SLIT3: variants seen among roughly 807,000 people sequenced by gnomAD.
SLIT3 encodes the protein slit homolog 3 protein.
A neutral mutation model predicts 184.0 loss-of-function variants in SLIT3; 68 were observed. The ratio of observed to expected loss-of-function variants is 0.37; its 90% CI spans 0.30 to 0.45. The LOEUF is 0.45. Ranked by LOEUF, SLIT3 falls within the 20% of genes least tolerant of loss-of-function variation. The probability of loss-of-function intolerance (pLI) is 1.00; values close to 1 mark genes in which losing one functional copy is unlikely to be tolerated. For synonymous variants in SLIT3, 831 were observed against 828.6 expected, an observed-to-expected ratio of 1.00 and a Z score of -0.05; for missense variants, 1,707 against 2,026.0, an observed-to-expected ratio of 0.84 and a Z score of 3.02.
intron 3 of SLIT3, among the ~76,000 whole-genome samples, chr5:169,238,482 A>G (rs975920946): frequency 6.7e-6 from 1 of 149,268 alleles, no homozygotes; most frequent in Non-Finnish European, 1.5e-5. Flanking sequence ...AATCCTTTTA[A>G]CTGCTTATTT....
intron 4 of SLIT3, among the ~76,000 whole-genome samples, chr5:168,894,032 C>T (rs189060997): frequency 1.1e-4 from 16 of 152,336 alleles, no homozygotes; most frequent in African/African-American, 3.8e-4. Flanking sequence ...GATTCAACCT[C>T]TTTTCTACAT....
intron 4 of SLIT3, among the ~76,000 whole-genome samples, chr5:169,119,080 C>A (rs1760788397): frequency 6.6e-6 from 1 of 152,174 alleles, no homozygotes; most frequent in Non-Finnish European, 1.5e-5. Context: ...TGTCTGGATC[C>A]AAAATCTGTC....
chr5:169,227,311 A>C (rs1441970976), intron 3 of SLIT3, among the ~76,000 whole-genome samples: 1 of 152,230 alleles, frequency 6.6e-6, no homozygotes, highest in Non-Finnish European at 1.5e-5. Flanking sequence ...GTTAATGCAT[A>C]TTATGGGGAC....
At chr5:169,054,993 T>C (rs1228419731) in intron 4 of SLIT3, among the ~76,000 whole-genome samples, 5 of 152,238 alleles carry the variant, frequency 3.3e-5, no homozygotes, top group Non-Finnish European at 7.3e-5. Context: ...TCTGTGGCCC[T>C]CATGCCTAGC....
intron 4 of SLIT3, among the ~76,000 whole-genome samples, chr5:168,990,659 G>A (rs1047002082): frequency 1.4e-4 from 21 of 152,108 alleles, no homozygotes; most frequent in African/African-American, 4.6e-4. Flanking sequence ...CATCAGCCAG[G>A]GGTCTTCAAA....
chr5:168,945,719 C>G (rs934897839), intron 4 of SLIT3, among the ~76,000 whole-genome samples: 1 of 152,220 alleles, frequency 6.6e-6, no homozygotes, highest in Non-Finnish European at 1.5e-5. Context: ...TGCTTTAGGG[C>G]TAAACTCGGG....
chr5:169,214,973 A>C (rs1429524939), intron 3 of SLIT3, among the ~76,000 whole-genome samples: 1 of 152,084 alleles, frequency 6.6e-6, no homozygotes, highest in African/African-American at 2.4e-5. Context: ...CGCATTACTG[A>C]AAGGGGCACC....
chr5:169,284,154 AG>A (rs1372801198), intron 1 of SLIT3, among the ~76,000 whole-genome samples: 1 of 152,270 alleles, frequency 6.6e-6, no homozygotes, highest in African/African-American at 2.4e-5. Context: ...AGCAAGGGAC[AG>A]GATCTATCCG....
intron 3 of SLIT3, among the ~76,000 whole-genome samples, chr5:169,220,170 T>C (rs1386922180): frequency 6.6e-6 from 1 of 152,114 alleles, no homozygotes; most frequent in Non-Finnish European, 1.5e-5. Flanking sequence ...CTGTCCTTGG[T>C]ACCCCACATT....
chr5:169,219,097 C>T (rs562900714), intron 3 of SLIT3, among the ~76,000 whole-genome samples: 33 of 152,196 alleles, frequency 2.2e-4, no homozygotes, highest in Non-Finnish European at 3.5e-4. Flanking sequence ...AGCAAACACA[C>T]CAGCGCTGCC....
At chr5:169,024,647 G>T (rs1000120596) in intron 4 of SLIT3, 8 of 152,282 alleles carry the variant, frequency 5.3e-5, no homozygotes, top group African/African-American at 1.9e-4. Flanking sequence ...AGTGTTTGTC[G>T]GTGGGAACGG....
chr5:168,673,827 C>A (rs1035487626), intron 32 of SLIT3, among the ~76,000 whole-genome samples: 2 of 152,196 alleles, frequency 1.3e-5, no homozygotes, highest in Non-Finnish European at 2.9e-5. Context: ...TCAGGTATTG[C>A]ATTTGGCTAT....
chr5:168,987,985 G>T (rs1360395245), intron 4 of SLIT3, among the ~76,000 whole-genome samples: 1 of 152,176 alleles, frequency 6.6e-6, no homozygotes, highest in Non-Finnish European at 1.5e-5. Flanking sequence ...ACATTAAGGT[G>T]TTCTCTTCTA....
At position 169,258,983 on chromosome 5, in the gene SLIT3, C is replaced by T. The variant is rs188074223; in HGVS notation, c.198-7524G>A. 3.9e-5 allele frequency among the ~76,000 whole-genome samples: 6 copies of T among 152,364 alleles called. No homozygotes were observed. The East Asian group carries it at 7.7e-4, about 20-fold the overall frequency. Reference sequence around the variant, plus strand: ...ATGTGGCTTTGAGAAAGGCACTTAACTTTATGGAACTCCCATTGTTGTTGC... The same window carrying T: ...ATGTGGCTTTGAGAAAGGCACTTAATTTTATGGAACTCCCATTGTTGTTGC... On this transcript the variant is annotated intron_variant, in intron 1 of 35. Coordinates refer to ENST00000519560, the MANE Select transcript of SLIT3 (RefSeq NM_003062.4).
chr5:168,820,285 A>AC (rs1479101102), intron 7 of SLIT3, among the ~76,000 whole-genome samples: 2 of 152,034 alleles, frequency 1.3e-5, no homozygotes, highest in South Asian at 2.1e-4. Context: ...TTCACCTGGC[A>AC]CCTGCTCTTC....
At chr5:169,070,542 C>G (rs1176750859) in intron 4 of SLIT3, among the ~76,000 whole-genome samples, 1 of 152,094 alleles carries the variant, frequency 6.6e-6, no homozygotes, top group East Asian at 1.9e-4. Context: ...TCGAGATGAC[C>G]TTTAGAAACA....
rs561514747 is a variant in SLIT3 at position 169,119,376 on chromosome 5, AG to A, written c.413+74102del. The stretch of plus-strand genomic sequence containing the variant: ...ATAGAGGGACTTCCATATGCATAAA[AG>A]CTGGTTACACTGTTAATGACTAGAA... On this transcript the variant is annotated intron_variant, in intron 4 of 35. Coordinates refer to ENST00000519560, the MANE Select transcript of SLIT3 (RefSeq NM_003062.4). 4.1e-3 allele frequency among the ~76,000 whole-genome samples: 629 copies of A among 152,342 alleles called. 3 individuals carry two copies. Among genetic ancestry groups the A allele is most frequent in the Non-Finnish European group, 6.7e-3 (454 of 68,032 alleles).
chr5:169,010,142 GAAC>G (rs1756090325), intron 4 of SLIT3, among the ~76,000 whole-genome samples: 1 of 152,166 alleles, frequency 6.6e-6, no homozygotes, highest in South Asian at 2.1e-4. Flanking sequence ...AATTTTGTCT[GAAC>G]AAGACCCTAA....
At chr5:169,278,976 T>C (rs1032885829) in intron 1 of SLIT3, among the ~76,000 whole-genome samples, 1 of 152,100 alleles carries the variant, frequency 6.6e-6, no homozygotes, top group African/African-American at 2.4e-5. Context: ...GGCTGTACCA[T>C]GAGGACCCGG....
Sources: allele counts gnomAD v4.1 joint callset (sites outside exome capture counted in the v4.1 genomes callset), GRCh38; gene constraint gnomAD v4.1.1; transcripts MANE v1.5; gene names NCBI Gene and HGNC (gene_info 2026-07-23, HGNC 2026-07-21).